KLF6: variants seen among roughly 807,000 people sequenced by gnomAD.
KLF6 encodes Krueppel-like factor 6.
For missense variants in KLF6, 233 were observed against 359.8 expected (o/e 0.65, Z 2.85); for synonymous variants, 152 against 147.9 (o/e 1.03, Z -0.20).
intron 1 of KLF6, 40 bp downstream of exon 1, chr10:3,784,873 G>T: frequency 6.3e-7 from 1 of 1,576,584 alleles, no homozygotes. Flanking sequence ...CCCGGCCCGC[G>T]CCCCGGCGCC....
rs1832619903 is a variant in KLF6 at position 3,785,048 on chromosome 10, A to C, written c.-34T>G. The C allele has an allele frequency of 3.1e-6, 5 of 1,609,064 alleles. No homozygotes were observed. Among genetic ancestry groups the C allele is most frequent in the Non-Finnish European group, 4.2e-6 (5 of 1,178,196 alleles). ...GGGTTGGACGGAGCCCGCGGTCGCGAGGGCGGCGAGGCGCGCGGTGGGAGC... is the reference window on the plus strand; with the variant it reads ...GGGTTGGACGGAGCCCGCGGTCGCGCGGGCGGCGAGGCGCGCGGTGGGAGC... On this transcript the variant is annotated 5_prime_UTR_variant, in exon 1 of 4. Transcript: ENST00000497571.
Position 3,778,903 on chromosome 10 carries a change from C to T in KLF6, c.*636G>A. The T allele has an allele frequency of 1.9e-6, 1 of 534,672 alleles. No individual in the cohort carries two copies. The highest frequency in any genetic ancestry group is 1.5e-5 in the South Asian group (1 of 65,170). The allele number at this position is 534,672 out of a possible 1,614,324, so 33.1% of individuals were successfully genotyped here. ...TGACACATTGCACATTTAATAGCTG[C>T]ACCAGACACTAAGAGTTCCTCTCAC... On this transcript the variant is annotated 3_prime_UTR_variant, in exon 4 of 4. Coordinates refer to ENST00000497571, the MANE Select transcript of KLF6 (RefSeq NM_001300.6).
At position 3,779,300 on chromosome 10, in the gene KLF6, G is replaced by T; in HGVS notation, c.*239C>A. 2 of 657,070 alleles carry T rather than the reference G, an allele frequency of 3.0e-6. No individual in the cohort carries two copies. Among genetic ancestry groups the T allele is most frequent in the Non-Finnish European group, 5.6e-6 (2 of 356,872 alleles). The allele number at this position is 657,070 out of a possible 1,614,324, so 40.7% of individuals were successfully genotyped here. On this transcript the variant is annotated 3_prime_UTR_variant, in exon 4 of 4. Coordinates refer to ENST00000497571, the MANE Select transcript of KLF6 (RefSeq NM_001300.6). ...TGCTCACGGCAAAGGCTTAGGCGCC[G>T]CTCGGAAGGGCGGGTACCAGTGGCG...
Position 3,781,676 on chromosome 10 carries a change from C to G in KLF6, c.641G>C (p.Ser214Thr). The change falls in exon 2 of 4, where the codon AGC (serine) becomes ACC (threonine). Residue 214 changes from serine (S) to threonine (T), a missense_variant. Coordinates refer to ENST00000497571, the MANE Select transcript of KLF6 (RefSeq NM_001300.6). This position sits in a 1 kb window ranked among gnomAD's most constrained non-coding sequence, Gnocchi z 5.8. ...FNGCRKVYTK[S>T]SHLKAHQRTH... ...CCGCTGGTGTGCTTTCAAGTGGGAG[C>G]TTTTGGTGTAAACTTTCCTGCAGCC... is the stretch of plus-strand genomic sequence containing the variant. 1 of 1,613,148 alleles carries G rather than the reference C, an allele frequency of 6.2e-7. No homozygotes were observed. The highest frequency in any genetic ancestry group is 8.5e-7 in the Non-Finnish European group (1 of 1,179,240).
Position 3,778,494 on chromosome 10 carries a change from A to G in KLF6, c.*1045T>C, listed in dbSNP as rs565461522. The G allele has an allele frequency of 1.1e-5, 6 of 524,692 alleles. No homozygotes were observed. The East Asian group carries it at 2.0e-4, about 18-fold the overall frequency. 32.5% of individuals were successfully genotyped at this position (524,692 alleles called of 1,614,324 possible). On this transcript the variant is annotated 3_prime_UTR_variant, in exon 4 of 4. Transcript: ENST00000497571. ...CCCAGCCCCAGCTTTGTGACACTCAATACGTGTCCAATTTCTTCTAAGGGC... is the reference window on the plus strand; with the variant it reads ...CCCAGCCCCAGCTTTGTGACACTCAGTACGTGTCCAATTTCTTCTAAGGGC...
chr10:3,776,340 A>G lies in KLF6; in HGVS notation c.*3199T>C, dbSNP rs1439770722. 3 of 532,262 alleles carry G rather than the reference A, an allele frequency of 5.6e-6. No homozygotes were observed. The highest frequency in any genetic ancestry group is 3.9e-5 in the East Asian group (1 of 25,526). 33.0% of individuals were successfully genotyped at this position (532,262 alleles called of 1,614,324 possible). On this transcript the variant is annotated 3_prime_UTR_variant, in exon 4 of 4. Transcript: ENST00000497571. ...TTTTTGTCAGTCCTTGGAGAAGAGT[A>G]TTTGATGCATTCAGGGAGGGCAATG... is the stretch of plus-strand genomic sequence containing the variant.
chr10:3,782,336 G>C lies in KLF6; in HGVS notation c.103-122C>G. On this transcript the variant is annotated intron_variant, in intron 1 of 3. Transcript: ENST00000497571. The surrounding 1 kb of genome is among the most constrained non-coding windows in gnomAD (Gnocchi z 4.3). Reference sequence around the variant, plus strand: ...TAACATTGCTGCCCGGTCACTACAGGGGCAAAACCTTTTGTAATTAAGCAT... The same window carrying C: ...TAACATTGCTGCCCGGTCACTACAGCGGCAAAACCTTTTGTAATTAAGCAT... The C allele has an allele frequency of 1.3e-6, 1 of 779,192 alleles. No homozygotes were observed. Among genetic ancestry groups the C allele is most frequent in the Non-Finnish European group, 2.2e-6 (1 of 455,358 alleles). 48.3% of individuals were successfully genotyped at this position (779,192 alleles called of 1,614,324 possible). A position where few individuals can be genotyped will look rare whatever the true frequency, so the allele number is the denominator to read the frequency against.
rs1832490117 is a variant in KLF6, at chr10:3,780,323, G to A, written c.677-94C>T. 1 of 1,510,642 alleles carries A rather than the reference G, an allele frequency of 6.6e-7. No homozygotes were observed. Among genetic ancestry groups the A allele is most frequent in the South Asian group, 1.1e-5 (1 of 88,948 alleles). The allele number at this position is 1,510,642 out of a possible 1,614,324, so 93.6% of individuals were successfully genotyped here. ...CAACACACACAGTGGTGGGATGCAAGGCCAGGGACCCAGTGGCTTCTGGCA... is the reference window on the plus strand; with the variant it reads ...CAACACACACAGTGGTGGGATGCAAAGCCAGGGACCCAGTGGCTTCTGGCA... On this transcript the variant is annotated intron_variant, in intron 2 of 3. Transcript: ENST00000497571. This position sits in a 1 kb window ranked among gnomAD's most constrained non-coding sequence, Gnocchi z 4.6.
At position 3,782,477 on chromosome 10, in the gene KLF6, G is replaced by A. The variant is rs1436258887; in HGVS notation, c.103-263C>T. Among the ~76,000 whole-genome samples, 2 of 152,246 alleles carry A rather than the reference G, an allele frequency of 1.3e-5. No individual in the cohort carries two copies. Among genetic ancestry groups the A allele is most frequent in the African/African-American group, 4.8e-5 (2 of 41,460 alleles). ...CCAATGTTGGGCCAAGGGCCACAATGAGTGATGATCACTAAGCCGGTTTTT... is the reference window on the plus strand; with the variant it reads ...CCAATGTTGGGCCAAGGGCCACAATAAGTGATGATCACTAAGCCGGTTTTT... On this transcript the variant is annotated intron_variant, in intron 1 of 3. Transcript: ENST00000497571. This position sits in a 1 kb window ranked among gnomAD's most constrained non-coding sequence, Gnocchi z 4.3.
In KLF6 at chr10:3,776,948, C is replaced by A. The variant is rs760102907; in HGVS notation, c.*2591G>T. On this transcript the variant is annotated 3_prime_UTR_variant, in exon 4 of 4. Transcript: ENST00000497571. ...TTTTTTTTCCTTTTTTTTTTTTTGTCTTTTGCTTACCTTCTTGCTTAATGG... is the reference window on the plus strand; with the variant it reads ...TTTTTTTTCCTTTTTTTTTTTTTGTATTTTGCTTACCTTCTTGCTTAATGG... The A allele has an allele frequency of 4.3e-5, 15 of 348,312 alleles. No homozygotes were observed. Among genetic ancestry groups the A allele is most frequent in the Non-Finnish European group, 6.4e-5 (12 of 186,666 alleles). The allele number at this position is 348,312 out of a possible 1,614,324, so 21.6% of individuals were successfully genotyped here.
At chr10:3,783,414 C>T (rs549582063) in intron 1 of KLF6, 2 of 152,364 alleles carry the variant, frequency 1.3e-5, no homozygotes, top group East Asian at 3.9e-4. Context: ...TCAGTTTCTA[C>T]ACCAAACGGC....
In KLF6 at chr10:3,781,634, C is replaced by T; in HGVS notation, c.676+7G>A. The T allele has an allele frequency of 1.2e-6, 2 of 1,612,752 alleles. No individual in the cohort carries two copies. Among genetic ancestry groups the T allele is most frequent in the Non-Finnish European group, 1.7e-6 (2 of 1,179,378 alleles). On this transcript the variant is annotated splice_region_variant and intron_variant, in intron 2 of 3. Coordinates refer to ENST00000497571, the MANE Select transcript of KLF6 (RefSeq NM_001300.6). This position sits in a 1 kb window ranked among gnomAD's most constrained non-coding sequence, Gnocchi z 5.8. ...GGCCGCCCTCCGGGGCCCGCGTGGG[C>T]ACTGACCTGTGTGCGTCCGCTGGTG...
At position 3,785,146 on chromosome 10, in the gene KLF6, G is replaced by T. The variant is rs1588346700; in HGVS notation, c.-132C>A. 6.6e-7 allele frequency: 1 copy of T among 1,523,454 alleles called. No homozygotes were observed. Among genetic ancestry groups the T allele is most frequent in the East Asian group, 2.4e-5 (1 of 40,852 alleles). The allele number at this position is 1,523,454 out of a possible 1,614,324, so 94.4% of individuals were successfully genotyped here. A position where few individuals can be genotyped will look rare whatever the true frequency, so the allele number is the denominator to read the frequency against. On this transcript the variant is annotated 5_prime_UTR_variant, in exon 1 of 4. Coordinates refer to ENST00000497571, the MANE Select transcript of KLF6 (RefSeq NM_001300.6). ...TCCAGGCTCGCAGAGACGCCCGGCC[G>T]GACCCTCCCGCAGCCCGCAGCGCGC...
rs193255599 is a variant in KLF6, at chr10:3,776,476, G to A, written c.*3063C>T. Reference sequence around the variant, plus strand: ...GCTCAATGAAGATTTGCCCCCAGGAGGAAGCCAGGGTGATGAATGCAGGAG... The same window carrying A: ...GCTCAATGAAGATTTGCCCCCAGGAAGAAGCCAGGGTGATGAATGCAGGAG... On this transcript the variant is annotated 3_prime_UTR_variant, in exon 4 of 4. Transcript: ENST00000497571. 83 of 531,312 alleles carry A rather than the reference G, an allele frequency of 1.6e-4. 1 individual carries two copies. The East Asian group carries it at 3.3e-3, about 21-fold the overall frequency. The allele number at this position is 531,312 out of a possible 1,614,324, so 32.9% of individuals were successfully genotyped here. A position where few individuals can be genotyped will look rare whatever the true frequency, so the allele number is the denominator to read the frequency against.
rs891487982 is a variant in KLF6, at chr10:3,778,395, C to T, written c.*1144G>A. 11 of 523,984 alleles carry T rather than the reference C, an allele frequency of 2.1e-5. No individual in the cohort carries two copies. The highest frequency in any genetic ancestry group is 9.4e-5 in the African/African-American group (5 of 53,258). 32.5% of individuals were successfully genotyped at this position (523,984 alleles called of 1,614,324 possible). On this transcript the variant is annotated 3_prime_UTR_variant, in exon 4 of 4. Coordinates refer to ENST00000497571, the MANE Select transcript of KLF6 (RefSeq NM_001300.6). ...GCTGCATGAGAAAACAGTTTCTAAG[C>T]GTTAGTGGTTTTATCCACCCAACTG...
At chr10:3,784,506 A>C (rs1327876418) in intron 1 of KLF6, among the ~76,000 whole-genome samples, 1 of 152,214 alleles carries the variant, frequency 6.6e-6, no homozygotes, top group African/African-American at 2.4e-5. Flanking sequence ...TTCTGGGGGC[A>C]AAATGTGATT....
rs551388049 is a variant in KLF6, at chr10:3,781,567, G to A, written c.676+74C>T. The A allele has an allele frequency of 3.5e-4, 552 of 1,587,932 alleles. 4 individuals are homozygous for A. The highest frequency in any genetic ancestry group is 3.4e-3 in the South Asian group (300 of 88,538). ...GACCACATCCTGTGCAGCCAGGCCCGGCTCCCTCCAGGGCTGGTGCAATGC... is the reference window on the plus strand; with the variant it reads ...GACCACATCCTGTGCAGCCAGGCCCAGCTCCCTCCAGGGCTGGTGCAATGC... On this transcript the variant is annotated intron_variant, in intron 2 of 3. Coordinates refer to ENST00000497571, the MANE Select transcript of KLF6 (RefSeq NM_001300.6). This position sits in a 1 kb window ranked among gnomAD's most constrained non-coding sequence, Gnocchi z 5.8.
Position 3,776,237 on chromosome 10 carries a change from C to G in KLF6, c.*3302G>C, listed in dbSNP as rs768244412. On this transcript the variant is annotated 3_prime_UTR_variant, in exon 4 of 4. Coordinates refer to ENST00000497571, the MANE Select transcript of KLF6 (RefSeq NM_001300.6). The stretch of plus-strand genomic sequence containing the variant: ...CAAGTTTGTCGTTGTGCAGGTGCCT[C>G]TGCAATGCATTCCCTGGCTTGAGCA... 9.4e-6 allele frequency: 5 copies of G among 530,242 alleles called. No homozygotes were observed. Among genetic ancestry groups the G allele is most frequent in the Admixed American group, 9.0e-5 (4 of 44,364 alleles). The allele number at this position is 530,242 out of a possible 1,614,324, so 32.8% of individuals were successfully genotyped here. A position where few individuals can be genotyped will look rare whatever the true frequency, so the allele number is the denominator to read the frequency against.
rs1186627849 is a variant in KLF6, at chr10:3,785,009, G to A, written c.6C>T (p.Asp2=). 1.9e-6 allele frequency: 3 copies of A among 1,610,734 alleles called. No individual in the cohort carries two copies. Among genetic ancestry groups the A allele is most frequent in the East Asian group, 4.5e-5 (2 of 44,764 alleles). The stretch of plus-strand genomic sequence containing the variant: ...GGAAGATGCTGCACATGGGGAGCAC[G>A]TCCATGTCGGGCCGGGTTGGACGGA... M[D]VLPMCSIFQE... Residue 2 remains aspartate, a synonymous_variant, in exon 1 of 4, where the codon GAC becomes GAT. Coordinates refer to ENST00000497571, the MANE Select transcript of KLF6 (RefSeq NM_001300.6).
Sources: gnomAD v4.1 joint callset for allele counts (sites outside exome capture counted in the v4.1 genomes callset) on GRCh38, gnomAD v4.1.1 for gene constraint, Gnocchi (gnomAD v3.1) non-coding constraint, MANE v1.5 for transcripts, NCBI Gene and HGNC (gene_info 2026-07-23, HGNC 2026-07-21) for gene names.